The following FLVCR2 variants were observed in gnomAD, a reference collection of about 807,000 sequenced individuals.
FLVCR2 encodes the protein choline/ethanolamine transporter FLVCR2.
FLVCR2 carries 38 observed loss-of-function variants against 48.9 expected under a neutral mutation model. The observed-to-expected ratio is 0.78, with a 90% confidence interval of 0.60 to 1.02. FLVCR2 has a LOEUF of 1.02. Among genes scored for constraint, FLVCR2 ranks in the 50% least tolerant of loss-of-function variants. FLVCR2 has a pLI of 0.00. For synonymous variants in FLVCR2, 255 were observed against 257.0 expected (o/e 0.99, Z 0.07); for missense variants, 664 against 663.3 (o/e 1.00, Z -0.01).
In FLVCR2 at chr14:75,578,850, GTC is replaced by G. The variant is rs1322268460; in HGVS notation, c.-119_-118del. 0.17 allele frequency: 152,007 copies of G among 901,688 alleles called. 13,607 individuals carry two copies. The highest frequency in any genetic ancestry group is 0.22 in the South Asian group (15,975 of 72,220). 55.9% of individuals were successfully genotyped at this position (901,688 alleles called of 1,614,324 possible). A position where few individuals can be genotyped will look rare whatever the true frequency, so the allele number is the denominator to read the frequency against. On this transcript the variant is annotated 5_prime_UTR_variant, in exon 1 of 10. Transcript: ENST00000238667. ...ACTTGAGGCTTTTACGCAGCCTCTA[GTC>G]TCTGTTTCTTCTGGAATAGGCAAGT...
At chr14:75,604,736 G>T (rs906016255) in intron 1 of FLVCR2, among the ~76,000 whole-genome samples, 6 of 152,164 alleles carry the variant, frequency 3.9e-5, no homozygotes, top group African/African-American at 1.2e-4. Flanking sequence ...AAGCAGGGCA[G>T]CTTCCTTAAG....
chr14:75,596,259 T>C (rs1310532280), intron 1 of FLVCR2: 2 of 564,682 alleles, frequency 3.5e-6, no homozygotes, highest in Non-Finnish European at 3.2e-6. Flanking sequence ...CTGTCTGCTT[T>C]CTAGCCTCCT....
chr14:75,633,135 A>G (rs1161122407), intron 3 of FLVCR2, among the ~76,000 whole-genome samples: 1 of 152,212 alleles, frequency 6.6e-6, no homozygotes, highest in African/African-American at 2.4e-5. Context: ...ATTTTGTGTG[A>G]CATTGAATCA....
At chr14:75,613,306 A>G (rs1889509768) in intron 1 of FLVCR2, among the ~76,000 whole-genome samples, 1 of 152,014 alleles carries the variant, frequency 6.6e-6, no homozygotes, top group Non-Finnish European at 1.5e-5. Context: ...AATCATGGTG[A>G]AAGGCAATGA....
At chr14:75,587,817 T>C (rs573875555) in intron 1 of FLVCR2, among the ~76,000 whole-genome samples, 13 of 152,372 alleles carry the variant, frequency 8.5e-5, no homozygotes, top group African/African-American at 3.1e-4. Context: ...TATTCGAGGC[T>C]GGTCCTAACC....
chr14:75,588,036 C>T (rs1053552941), intron 1 of FLVCR2, among the ~76,000 whole-genome samples: 1 of 152,184 alleles, frequency 6.6e-6, no homozygotes, highest in Admixed American at 6.5e-5. Context: ...ATGCAGACCA[C>T]AAATGCAAGT....
chr14:75,642,001 T>C, intron 9 of FLVCR2, 103 bp downstream of exon 9: 2 of 1,053,660 alleles, frequency 1.9e-6, no homozygotes, highest in African/African-American at 1.6e-5. Context: ...AGGGACTGGT[T>C]TTGTCATAGC....
At chr14:75,637,478 G>T (rs1035165284) in intron 5 of FLVCR2, among the ~76,000 whole-genome samples, 3 of 152,110 alleles carry the variant, frequency 2.0e-5, no homozygotes, top group Admixed American at 6.5e-5. Flanking sequence ...TGTAATCCCA[G>T]CACTTTGGGA....
intron 1 of FLVCR2, among the ~76,000 whole-genome samples, chr14:75,605,162 C>T (rs1889260125): frequency 6.6e-6 from 1 of 152,176 alleles, no homozygotes; most frequent in African/African-American, 2.4e-5. Flanking sequence ...TTGAACTCCC[C>T]CCAAGCCTCA....
chr14:75,632,546 C>G, intron 3 of FLVCR2: 2 of 691,770 alleles, frequency 2.9e-6, no homozygotes, highest in Non-Finnish European at 5.3e-6. Flanking sequence ...CCCACCTTCC[C>G]TTGCACCTTA....
At chr14:75,640,716 GCAAGGGATCC>G in intron 6 of FLVCR2, 1 of 556,064 alleles carries the variant, frequency 1.8e-6, no homozygotes, top group Middle Eastern at 4.9e-4. Context: ...TGGAGAAGCA[GCAAGGGATCC>G]CAGAGGCCTG....
At chr14:75,629,622 C>T (rs562131106) in intron 3 of FLVCR2, among the ~76,000 whole-genome samples, 7 of 152,154 alleles carry the variant, frequency 4.6e-5, no homozygotes, top group Admixed American at 2.0e-4. Context: ...GAACCTTCCT[C>T]TGGCTACCTT....
At chr14:75,590,693 TC>T (rs1366012915) in intron 1 of FLVCR2, among the ~76,000 whole-genome samples, 75 of 152,318 alleles carry the variant, frequency 4.9e-4, no homozygotes, top group Non-Finnish European at 6.8e-4. Flanking sequence ...TCCCTCTCTC[TC>T]TTTCTTGCTT....
intron 1 of FLVCR2, among the ~76,000 whole-genome samples, chr14:75,586,035 A>G (rs893530441): frequency 1.3e-5 from 2 of 152,206 alleles, no homozygotes; most frequent in African/African-American, 4.8e-5. Flanking sequence ...CTGGTCTCCT[A>G]AAGAAGTCCC....
intron 1 of FLVCR2, among the ~76,000 whole-genome samples, chr14:75,596,357 A>G (rs1451319067): frequency 1.3e-5 from 2 of 152,150 alleles, no homozygotes; most frequent in Non-Finnish European, 2.9e-5. Context: ...GTCTGAGACC[A>G]CCCTCTGAAA....
chr14:75,619,026 C>A (rs1282491207), intron 1 of FLVCR2, among the ~76,000 whole-genome samples: 1 of 151,882 alleles, frequency 6.6e-6, no homozygotes, highest in African/African-American at 2.4e-5. Context: ...GAGTTTGAGA[C>A]CAACCTGGCC....
Position 75,639,473 on chromosome 14 carries a change from C to A in FLVCR2, c.1235+11C>A. The A allele has an allele frequency of 1.9e-6, 3 of 1,554,908 alleles. No individual in the cohort carries two copies. Among genetic ancestry groups the A allele is most frequent in the Non-Finnish European group, 2.7e-6 (3 of 1,126,050 alleles). ...TGCTGGCACAATGGGGTAAGTTTCA[C>A]CTCTGGCTGATTTATTAGAAAATAC... On this transcript the variant is annotated intron_variant, in intron 6 of 9. Coordinates refer to ENST00000238667, the MANE Select transcript of FLVCR2 (RefSeq NM_017791.3).
chr14:75,626,743 A>T (rs1889909899), intron 3 of FLVCR2, among the ~76,000 whole-genome samples: 1 of 151,904 alleles, frequency 6.6e-6, no homozygotes, highest in Non-Finnish European at 1.5e-5. Flanking sequence ...GTGAAACCAG[A>T]TGGCCTTTGG....
rs1394242295 is a variant in FLVCR2 at position 75,632,650 on chromosome 14, G to A, written c.953-979G>A. ...GAAGAGGAACTCCTGAGGCTGCCCT[G>A]TCCACAAGCTATGTGTCCTGACTTA... On this transcript the variant is annotated intron_variant, in intron 3 of 9. Coordinates refer to ENST00000238667, the MANE Select transcript of FLVCR2 (RefSeq NM_017791.3). 8.5e-6 allele frequency: 6 copies of A among 702,322 alleles called. No individual in the cohort carries two copies. In the East Asian group the frequency reaches 1.6e-4, roughly 19 times the overall value. The allele number at this position is 702,322 out of a possible 1,614,324, so 43.5% of individuals were successfully genotyped here. A position where few individuals can be genotyped will look rare whatever the true frequency, so the allele number is the denominator to read the frequency against.
Sources: gnomAD v4.1 joint callset for allele counts (sites outside exome capture counted in the v4.1 genomes callset) on GRCh38, gnomAD v4.1.1 for gene constraint, MANE v1.5 for transcripts, NCBI Gene and HGNC (gene_info 2026-07-23, HGNC 2026-07-21) for gene names.